Variants in PLPP3 observed in about 807,000 individuals in gnomAD.
PLPP3 encodes PAP2 beta.
A neutral mutation model predicts 29.6 loss-of-function variants in PLPP3; 6 were observed. The ratio of observed to expected loss-of-function variants is 0.20; its 90% CI spans 0.11 to 0.40. The LOEUF (loss-of-function observed/expected upper bound fraction) is 0.40, where lower values mean the gene tolerates loss of function less well. Ranked by LOEUF, PLPP3 falls within the 10% of genes least tolerant of loss-of-function variation. PLPP3 has a pLI of 1.00. For synonymous variants in PLPP3, 152 were observed against 159.7 expected (o/e 0.95, Z 0.36); for missense variants, 308 against 407.7 (o/e 0.76, Z 2.11).
At chr1:56,525,305 A>T (rs976096386) in intron 2 of PLPP3, among the ~76,000 whole-genome samples, 1 of 152,180 alleles carries the variant, frequency 6.6e-6, no homozygotes, top group African/African-American at 2.4e-5. Flanking sequence ...AACTTGTAGT[A>T]CGATGCCCTT....
At chr1:56,509,440 G>A (rs1212811868) in intron 5 of PLPP3, among the ~76,000 whole-genome samples, 3 of 152,150 alleles carry the variant, frequency 2.0e-5, no homozygotes, top group Non-Finnish European at 4.4e-5. Flanking sequence ...GAGAATCGTG[G>A]TGCAGCTGTC....
At chr1:56,518,715 T>TTACATATATATA (rs1553136508) in intron 4 of PLPP3, among the ~76,000 whole-genome samples, 2 of 126,668 alleles carry the variant, frequency 1.6e-5, no homozygotes, top group African/African-American at 5.6e-5. Flanking sequence ...TTTTAATCAT[T>TTACATATATATA]TATATATATA....
intron 1 of PLPP3, 42 bp downstream of exon 1, chr1:56,578,836 A>ACGAGGGGCCGAGGGGC: frequency 6.7e-7 from 1 of 1,494,874 alleles, no homozygotes; most frequent in Non-Finnish European, 8.9e-7. Flanking sequence ...GCGCCGAGGG[A>ACGAGGGGCCGAGGGGC]CGAGGGGCCG....
At chr1:56,501,713 A>C (rs546807746) in intron 5 of PLPP3, among the ~76,000 whole-genome samples, 39 of 152,296 alleles carry the variant, frequency 2.6e-4, no homozygotes, top group African/African-American at 9.4e-4. Flanking sequence ...CACAAACAAG[A>C]CAACTCTAAG....
intron 1 of PLPP3, among the ~76,000 whole-genome samples, chr1:56,556,570 A>G (rs1199773842): frequency 6.6e-6 from 1 of 152,168 alleles, no homozygotes; most frequent in Non-Finnish European, 1.5e-5. Flanking sequence ...AAGCATCAAT[A>G]ATGATAAATT....
At chr1:56,576,887 A>G (rs1646240385) in intron 1 of PLPP3, among the ~76,000 whole-genome samples, 1 of 152,178 alleles carries the variant, frequency 6.6e-6, no homozygotes, top group African/African-American at 2.4e-5. Context: ...ATCCCTGGCT[A>G]AACTACAGCT....
At chr1:56,565,348 G>C (rs942651571) in intron 1 of PLPP3, among the ~76,000 whole-genome samples, 4 of 150,842 alleles carry the variant, frequency 2.7e-5, no homozygotes, top group Non-Finnish European at 5.9e-5. Flanking sequence ...CGAGCCTAAG[G>C]TACAAAAAGG....
chr1:56,508,484 C>G (rs1382322009), intron 5 of PLPP3, among the ~76,000 whole-genome samples: 5 of 152,228 alleles, frequency 3.3e-5, no homozygotes. Context: ...CTTGGCACCT[C>G]AAGTGGTGGC....
Position 56,572,043 on chromosome 1 carries a change from G to GTTTTT in PLPP3, c.139+6830_139+6834dup, listed in dbSNP as rs375576842. The stretch of plus-strand genomic sequence containing the variant: ...TTTCGATCATTTCCAATCATTTCTG[G>GTTTTT]TTTTTTTTTTTTTTTTTTTTTTTTG... On this transcript the variant is annotated intron_variant, in intron 1 of 5. Coordinates refer to ENST00000371250, the MANE Select transcript of PLPP3 (RefSeq NM_003713.5). Among the ~76,000 whole-genome samples the GTTTTT allele has an allele frequency of 4.8e-3, 410 of 85,036 alleles. 18 individuals are homozygous for GTTTTT. The highest frequency in any genetic ancestry group is 0.014 in the Middle Eastern group (1 of 70). The allele number at this position is 85,036 out of a possible 152,430, so 55.8% of individuals were successfully genotyped here.
At chr1:56,529,961 A>C (rs1645876811) in intron 2 of PLPP3, among the ~76,000 whole-genome samples, 1 of 152,128 alleles carries the variant, frequency 6.6e-6, no homozygotes. Flanking sequence ...AAGTCTCATG[A>C]AGAAGAGAGT....
intron 5 of PLPP3, among the ~76,000 whole-genome samples, chr1:56,506,334 C>T (rs1040980516): frequency 8.5e-5 from 13 of 152,178 alleles, no homozygotes; most frequent in African/African-American, 2.2e-4. Context: ...GGGTTGTCAT[C>T]GCTGAACTCT....
chr1:56,505,320 G>C (rs1327985421), intron 5 of PLPP3, among the ~76,000 whole-genome samples: 1 of 152,230 alleles, frequency 6.6e-6, no homozygotes, highest in Non-Finnish European at 1.5e-5. Context: ...GAGAGGTGAA[G>C]TGACTTGCCC....
intron 1 of PLPP3, among the ~76,000 whole-genome samples, chr1:56,576,679 G>C (rs1222150891): frequency 6.6e-6 from 1 of 152,090 alleles, no homozygotes; most frequent in Non-Finnish European, 1.5e-5. Flanking sequence ...TTGCTTTTTG[G>C]AGATAAACAA....
At chr1:56,555,117 G>A (rs1386596913) in intron 1 of PLPP3, among the ~76,000 whole-genome samples, 2 of 152,022 alleles carry the variant, frequency 1.3e-5, no homozygotes, top group Admixed American at 1.3e-4. Flanking sequence ...AGGGACAGAG[G>A]TGGCCATGCC....
intron 2 of PLPP3, among the ~76,000 whole-genome samples, chr1:56,531,205 G>T (rs115913724): frequency 0.01 from 1,571 of 152,246 alleles, 20 homozygotes; most frequent in African/African-American, 0.036. Flanking sequence ...ACTTTATTTA[G>T]ACCTCAGACA....
Position 56,523,897 on chromosome 1 carries a change from G to A in PLPP3, c.576-17C>T, listed in dbSNP as rs373053728. 16 of 1,612,876 alleles carry A rather than the reference G, an allele frequency of 9.9e-6. No homozygotes were observed. The African/African-American group carries it at 1.9e-4, about 19-fold the overall frequency. On this transcript the variant is annotated splice_polypyrimidine_tract_variant and intron_variant, in intron 3 of 5. Transcript: ENST00000371250. ...AAGGACTTCCTGCAAGAGCAAGAGA[G>A]GGCCATGAAAGGGCCGTATTCACAT...
At position 56,533,362 on chromosome 1, in the gene PLPP3, C is replaced by T. The variant is rs533772835; in HGVS notation, c.297+3593G>A. 7.9e-5 allele frequency among the ~76,000 whole-genome samples: 12 copies of T among 152,212 alleles called. No individual in the cohort carries two copies. The South Asian group carries it at 1.2e-3, about 16-fold the overall frequency. ...TTGCCTGCTCGAGATGGGGTAGCTG[C>T]TAAGTTTCATGACAAGAGACAACAT... On this transcript the variant is annotated intron_variant, in intron 2 of 5. Transcript: ENST00000371250.
intron 4 of PLPP3, among the ~76,000 whole-genome samples, chr1:56,519,149 C>T (rs144439686): frequency 5.9e-5 from 9 of 152,188 alleles, no homozygotes; most frequent in South Asian, 2.1e-4. Context: ...CACTCTCAAG[C>T]GTGCCCTCCA....
At chr1:56,533,444 C>G (rs1165503385) in intron 2 of PLPP3, among the ~76,000 whole-genome samples, 2 of 152,118 alleles carry the variant, frequency 1.3e-5, no homozygotes, top group Non-Finnish European at 2.9e-5. Context: ...ACATCATAGG[C>G]CCTTGATAAG....
Sources: allele counts gnomAD v4.1 joint callset (sites outside exome capture counted in the v4.1 genomes callset), GRCh38; gene constraint gnomAD v4.1.1; transcripts MANE v1.5; gene names NCBI Gene and HGNC (gene_info 2026-07-23, HGNC 2026-07-21).